The following GPR176 variants were observed in gnomAD, a reference collection of about 807,000 sequenced individuals.
GPR176 encodes the protein G protein-coupled receptor 176.
In GPR176, 26 loss-of-function variants were observed where a neutral mutation model predicts 35.4. The ratio of observed to expected loss-of-function variants is 0.74; its 90% CI spans 0.54 to 1.02. GPR176 has a LOEUF of 1.02. Ranked by LOEUF, GPR176 falls within the 50% of genes least tolerant of loss-of-function variation. The pLI is 0.00. For synonymous variants in GPR176, 278 were observed against 271.3 expected, an observed-to-expected ratio of 1.02 and a Z score of -0.24; for missense variants, 597 against 665.3, an observed-to-expected ratio of 0.90 and a Z score of 1.13.
chr15:39,889,212 A>G (rs1469174236), intron 1 of GPR176, among the ~76,000 whole-genome samples: 1 of 152,190 alleles, frequency 6.6e-6, no homozygotes, highest in Non-Finnish European at 1.5e-5. Context: ...CTTTACAACT[A>G]GGAAAACTAA....
At chr15:39,810,490 C>A (rs1899478095) in intron 1 of GPR176, among the ~76,000 whole-genome samples, 1 of 152,144 alleles carries the variant, frequency 6.6e-6, no homozygotes, top group Admixed American at 6.5e-5. Context: ...CAATTCTGGC[C>A]TGTTAAAGAG....
At chr15:39,911,432 C>A (rs1321447530) in intron 1 of GPR176, among the ~76,000 whole-genome samples, 2 of 152,206 alleles carry the variant, frequency 1.3e-5, no homozygotes, top group Admixed American at 6.5e-5. Context: ...AGGCCAGAAA[C>A]AACTGTTTCG....
intron 1 of GPR176, among the ~76,000 whole-genome samples, chr15:39,908,645 G>A (rs1278152352): frequency 6.6e-6 from 1 of 151,648 alleles, no homozygotes; most frequent in East Asian, 1.9e-4. Context: ...ATATCATCAG[G>A]ATTCATTCTC....
At chr15:39,848,956 G>A (rs1265169049) in intron 1 of GPR176, among the ~76,000 whole-genome samples, 1 of 146,282 alleles carries the variant, frequency 6.8e-6, no homozygotes, top group East Asian at 2.0e-4. Context: ...AAAAGCAGAA[G>A]AGAGGAAATA....
chr15:39,914,480 A>G (rs1278140485), intron 1 of GPR176, among the ~76,000 whole-genome samples: 1 of 151,960 alleles, frequency 6.6e-6, no homozygotes, highest in Non-Finnish European at 1.5e-5. Flanking sequence ...TGCCCGGCTA[A>G]TTTTTGTATT....
chr15:39,895,266 G>A (rs11858550), intron 1 of GPR176, among the ~76,000 whole-genome samples: 21,917 of 117,588 alleles, frequency 0.19, 2,998 homozygotes, highest in Non-Finnish European at 0.26. Flanking sequence ...TGGGGAGAGG[G>A]AGAGGGAGAC....
intron 1 of GPR176, among the ~76,000 whole-genome samples, chr15:39,916,710 A>T (rs577289): frequency 0.44 from 67,317 of 152,084 alleles, 17,508 homozygotes; most frequent in East Asian, 0.84. Flanking sequence ...AAGAAATAAG[A>T]AAAGTAAGTT....
intron 1 of GPR176, among the ~76,000 whole-genome samples, chr15:39,878,618 T>C (rs1388156753): frequency 2.0e-5 from 3 of 152,220 alleles, no homozygotes. Flanking sequence ...ATACCAATTT[T>C]ATTTCCTTTG....
intron 1 of GPR176, among the ~76,000 whole-genome samples, chr15:39,910,242 A>C (rs1352321330): frequency 6.6e-6 from 1 of 152,232 alleles, no homozygotes. Flanking sequence ...GAGTTACCAC[A>C]TTGGAGATAA....
At chr15:39,804,607 G>A (rs1465728850) in intron 2 of GPR176, among the ~76,000 whole-genome samples, 1 of 149,814 alleles carries the variant, frequency 6.7e-6, no homozygotes, top group African/African-American at 2.5e-5. Context: ...TCTCCTTGTT[G>A]AGTCTTATTT....
intron 1 of GPR176, among the ~76,000 whole-genome samples, chr15:39,839,251 G>A (rs990479975): frequency 6.6e-6 from 1 of 152,168 alleles, no homozygotes; most frequent in Non-Finnish European, 1.5e-5. Context: ...CTAGGTTACA[G>A]TAACCAAAAC....
At chr15:39,901,065 C>A (rs1383250732) in intron 1 of GPR176, among the ~76,000 whole-genome samples, 2 of 151,904 alleles carry the variant, frequency 1.3e-5, no homozygotes, top group Admixed American at 6.6e-5. Context: ...GCAAATAGAA[C>A]TCCCCTCCTG....
intron 1 of GPR176, among the ~76,000 whole-genome samples, chr15:39,814,540 A>T (rs935499715): frequency 9.2e-5 from 14 of 152,154 alleles, no homozygotes; most frequent in Non-Finnish European, 1.9e-4. Flanking sequence ...ATTCTGTTGT[A>T]TCTACTTCTA....
chr15:39,861,000 C>G (rs1476406670), intron 1 of GPR176: 1 of 152,116 alleles, frequency 6.6e-6, no homozygotes, highest in African/African-American at 2.4e-5. Context: ...TGACTGCAAG[C>G]CCTCTGTTCA....
chr15:39,842,142 T>C (rs900720007), intron 1 of GPR176, among the ~76,000 whole-genome samples: 5 of 152,038 alleles, frequency 3.3e-5, no homozygotes, highest in Non-Finnish European at 7.4e-5. Flanking sequence ...TGAGACTGGG[T>C]AATTTATAAA....
At chr15:39,844,641 AC>A (rs1434929438) in intron 1 of GPR176, among the ~76,000 whole-genome samples, 3 of 152,056 alleles carry the variant, frequency 2.0e-5, no homozygotes, top group Non-Finnish European at 2.9e-5. Flanking sequence ...CCTATAGGCT[AC>A]ATAGATCCAG....
chr15:39,878,727 T>C (rs1294938333), intron 1 of GPR176, among the ~76,000 whole-genome samples: 1 of 152,254 alleles, frequency 6.6e-6, no homozygotes, highest in Non-Finnish European at 1.5e-5. Context: ...GTTGTTCCAA[T>C]TAATTTACAT....
intron 1 of GPR176, among the ~76,000 whole-genome samples, chr15:39,855,887 A>G (rs1480713752): frequency 6.6e-6 from 1 of 152,246 alleles, no homozygotes; most frequent in Non-Finnish European, 1.5e-5. Flanking sequence ...TAAACTTACT[A>G]AGACTGCAGT....
intron 1 of GPR176, among the ~76,000 whole-genome samples, chr15:39,877,973 AC>A: frequency 6.6e-6 from 1 of 152,268 alleles, no homozygotes; most frequent in Middle Eastern, 3.4e-3. Flanking sequence ...TCCCAGCTTT[AC>A]TGAAGTATAA....
Sources: allele counts gnomAD v4.1 joint callset (sites outside exome capture counted in the v4.1 genomes callset), GRCh38; gene constraint gnomAD v4.1.1; transcripts MANE v1.5; gene names NCBI Gene and HGNC (gene_info 2026-07-23, HGNC 2026-07-21).